ADGRL3: variants seen among roughly 807,000 people sequenced by gnomAD.
ADGRL3 encodes adhesion G protein-coupled receptor L3.
ADGRL3 carries 62 observed loss-of-function variants against 153.5 expected under a neutral mutation model. The observed-to-expected ratio is 0.40, with a 90% confidence interval of 0.33 to 0.50. The LOEUF (loss-of-function observed/expected upper bound fraction) is 0.50, where lower values mean the gene tolerates loss of function less well. Ranked by LOEUF, ADGRL3 falls within the 20% of genes least tolerant of loss-of-function variation. The pLI, the probability that ADGRL3 is intolerant of heterozygous loss-of-function variation, is 0.47. For synonymous variants in ADGRL3, 710 were observed against 672.5 expected (o/e 1.06, Z -0.86); for missense variants, 1,641 against 1,859.4 (o/e 0.88, Z 2.16).
rs901165536 is a variant in ADGRL3, at chr4:61,838,213, T to C, written c.1480+24324T>C. On this transcript the variant is annotated intron_variant, in intron 9 of 26. Transcript: ENST00000683033. ...TCATAAGAGGAGAGAGAAAGAAATG[T>C]CTATAAACCACTTTGACCATTTCAT... 4.6e-5 allele frequency among the ~76,000 whole-genome samples: 7 copies of C among 152,126 alleles called. No individual in the cohort carries two copies. The East Asian group carries it at 1.3e-3, about 29-fold the overall frequency.
intron 1 of ADGRL3, among the ~76,000 whole-genome samples, chr4:61,338,393 C>CTGTGTG (rs4038726): frequency 0.015 from 2,190 of 149,970 alleles, 43 homozygotes; most frequent in South Asian, 0.046. Context: ...CAGTGTGTGT[C>CTGTGTG]TGTGTGTGTG....
chr4:61,700,481 G>C (rs1039031225), intron 6 of ADGRL3, among the ~76,000 whole-genome samples: 1 of 152,056 alleles, frequency 6.6e-6, no homozygotes, highest in Non-Finnish European at 1.5e-5. Flanking sequence ...AGGGTACCGC[G>C]GATTCAGGAA....
At chr4:61,997,948 G>A (rs1179844363) in intron 20 of ADGRL3, among the ~76,000 whole-genome samples, 1 of 152,150 alleles carries the variant, frequency 6.6e-6, no homozygotes, top group Non-Finnish European at 1.5e-5. Flanking sequence ...ATATTTGTGT[G>A]ATTTGGCATA....
intron 4 of ADGRL3, among the ~76,000 whole-genome samples, chr4:61,579,028 G>A (rs1052693681): frequency 5.9e-5 from 9 of 152,136 alleles, no homozygotes; most frequent in African/African-American, 2.2e-4. Flanking sequence ...GCCTTTGGGA[G>A]CTTGTTCACA....
At chr4:61,960,645 C>T (rs1305838475) in intron 17 of ADGRL3, among the ~76,000 whole-genome samples, 1 of 152,118 alleles carries the variant, frequency 6.6e-6, no homozygotes, top group Non-Finnish European at 1.5e-5. Flanking sequence ...TGCCCATGTG[C>T]AGATCCTAAA....
intron 5 of ADGRL3, among the ~76,000 whole-genome samples, chr4:61,671,491 C>T (rs1260751213): frequency 2.0e-5 from 3 of 152,110 alleles, no homozygotes; most frequent in Non-Finnish European, 2.9e-5. Context: ...GTGACAGTTA[C>T]ATGTAAATCG....
chr4:62,028,271 A>G (rs1457063777), intron 21 of ADGRL3, among the ~76,000 whole-genome samples: 2 of 151,836 alleles, frequency 1.3e-5, no homozygotes, highest in Non-Finnish European at 2.9e-5. Flanking sequence ...TGTTCCTATT[A>G]CTACAAAAGA....
At chr4:61,918,917 G>A (rs997708652) in intron 13 of ADGRL3, among the ~76,000 whole-genome samples, 3 of 151,920 alleles carry the variant, frequency 2.0e-5, no homozygotes, top group Non-Finnish European at 2.9e-5. Context: ...TTTTACTTGC[G>A]TGCCTTTGGT....
At chr4:61,685,404 G>GT (rs2095424273) in intron 6 of ADGRL3, among the ~76,000 whole-genome samples, 1 of 151,826 alleles carries the variant, frequency 6.6e-6, no homozygotes, top group Non-Finnish European at 1.5e-5. Context: ...CAAAGTTAAT[G>GT]TTAAAAAAAA....
chr4:61,987,085 C>A (rs1048385126), intron 19 of ADGRL3, among the ~76,000 whole-genome samples: 5 of 150,948 alleles, frequency 3.3e-5, no homozygotes, highest in Non-Finnish European at 7.4e-5. Context: ...GTTCCAGTTT[C>A]TCTTGCTGTT....
At chr4:61,860,569 A>G (rs556767881) in intron 9 of ADGRL3, among the ~76,000 whole-genome samples, 2 of 152,112 alleles carry the variant, frequency 1.3e-5, no homozygotes, top group East Asian at 3.9e-4. Flanking sequence ...GCCGATGCCA[A>G]TATCTGGGCC....
At chr4:62,066,323 A>C (rs1742974378) in intron 25 of ADGRL3, among the ~76,000 whole-genome samples, 1 of 152,110 alleles carries the variant, frequency 6.6e-6, no homozygotes, top group Non-Finnish European at 1.5e-5. Context: ...CCTCTGGTTC[A>C]GTTGCACCAA....
intron 2 of ADGRL3, among the ~76,000 whole-genome samples, chr4:61,433,369 A>ATTTTTTT (rs1371552803): frequency 1.1e-5 from 1 of 89,478 alleles, no homozygotes; most frequent in Non-Finnish European, 2.8e-5. Context: ...TTTTTTTAAA[A>ATTTTTTT]AAAAATCAGG....
At chr4:61,996,261 A>G (rs752967425) in intron 19 of ADGRL3, 30 bp from the exon 20 acceptor site, 4 of 1,518,174 alleles carry the variant, frequency 2.6e-6, no homozygotes, top group Non-Finnish European at 3.7e-6. Context: ...CAGTCCTTGA[A>G]TACCTTCTCT....
chr4:61,642,653 A>C (rs368302092), intron 5 of ADGRL3, among the ~76,000 whole-genome samples: 2 of 151,854 alleles, frequency 1.3e-5, no homozygotes, highest in Non-Finnish European at 2.9e-5. Flanking sequence ...CTATATCTCT[A>C]TTTTGGTACC....
chr4:61,409,198 T>TTA, intron 2 of ADGRL3, among the ~76,000 whole-genome samples: 1 of 143,806 alleles, frequency 7.0e-6, no homozygotes, highest in East Asian at 2.0e-4. Flanking sequence ...ATAATATATA[T>TTA]TATATATATT....
chr4:61,616,416 A>G lies in ADGRL3; in HGVS notation c.473+28976A>G, dbSNP rs2092012045. Among the ~76,000 whole-genome samples, 3 of 152,184 alleles carry G rather than the reference A, an allele frequency of 2.0e-5. No homozygotes were observed. In the South Asian group the frequency reaches 6.2e-4, roughly 31 times the overall value. ...ACAATTTCATTACTACTGGACATTA[A>G]TTTTCACTTCAATAATCAGAGAAAG... On this transcript the variant is annotated intron_variant, in intron 5 of 26. Coordinates refer to ENST00000683033, the MANE Select transcript of ADGRL3 (RefSeq NM_001387552.1).
chr4:61,405,172 C>A (rs2096978444), intron 2 of ADGRL3, among the ~76,000 whole-genome samples: 1 of 151,826 alleles, frequency 6.6e-6, no homozygotes, highest in African/African-American at 2.4e-5. Flanking sequence ...TGCTACCTGC[C>A]CATTATGGAG....
chr4:61,593,395 T>C (rs1463611653), intron 5 of ADGRL3, among the ~76,000 whole-genome samples: 1 of 152,100 alleles, frequency 6.6e-6, no homozygotes, highest in Non-Finnish European at 1.5e-5. Flanking sequence ...GTTTTGTTTT[T>C]TTCCTTCAGG....
Sources: gnomAD v4.1 joint callset for allele counts (sites outside exome capture counted in the v4.1 genomes callset) on GRCh38, gnomAD v4.1.1 for gene constraint, MANE v1.5 for transcripts, NCBI Gene and HGNC (gene_info 2026-07-23, HGNC 2026-07-21) for gene names.